The following WDFY4 variants were observed in gnomAD, a reference collection of about 807,000 sequenced individuals.
WDFY4 encodes WDFY family member 4.
In WDFY4, 169 loss-of-function variants were observed where a neutral mutation model predicts 351.9. The ratio of observed to expected loss-of-function variants is 0.48; its 90% CI spans 0.42 to 0.55. WDFY4 has a LOEUF of 0.55. Ranked by LOEUF, WDFY4 falls within the 20% of genes least tolerant of loss-of-function variation. The probability of loss-of-function intolerance (pLI) is 0.00; values close to 1 mark genes in which losing one functional copy is unlikely to be tolerated. For synonymous variants in WDFY4, 1,622 were observed against 1,574.6 expected (o/e 1.03, Z -0.71); for missense variants, 3,803 against 3,935.6 (o/e 0.97, Z 0.90).
At chr10:48,745,830 A>G (rs982542674) in intron 12 of WDFY4, 2 of 336,942 alleles carry the variant, frequency 5.9e-6, no homozygotes, top group Non-Finnish European at 1.1e-5. Context: ...TCCATCGAAC[A>G]CCTCGGCGTC....
At chr10:48,875,216 T>A in intron 42 of WDFY4, 76 bp downstream of exon 42, 1 of 853,960 alleles carries the variant, frequency 1.2e-6, no homozygotes, top group Non-Finnish European at 1.6e-6. Context: ...TTAAAGATAT[T>A]AAATTAATAT....
intron 23 of WDFY4, among the ~76,000 whole-genome samples, chr10:48,793,682 G>A (rs1172682824): frequency 1.3e-5 from 2 of 152,108 alleles, no homozygotes; most frequent in Admixed American, 6.5e-5. Flanking sequence ...GCGTGTGTCC[G>A]GCTTGTTTAT....
chr10:48,958,392 G>A (rs1174947895), intron 52 of WDFY4, among the ~76,000 whole-genome samples: 1 of 151,914 alleles, frequency 6.6e-6, no homozygotes, highest in South Asian at 2.1e-4. Flanking sequence ...GAGGGTGGCA[G>A]CCAGGAGGAG....
At chr10:48,834,667 C>T (rs1474544823) in intron 39 of WDFY4, among the ~76,000 whole-genome samples, 3 of 152,212 alleles carry the variant, frequency 2.0e-5, no homozygotes, top group African/African-American at 4.8e-5. Context: ...TGGAGCTTCT[C>T]TTCCTTGGCC....
At chr10:48,760,311 T>C (rs1056965346) in intron 12 of WDFY4, 36 bp from the exon 13 acceptor site, 2 of 1,533,432 alleles carry the variant, frequency 1.3e-6, no homozygotes, top group South Asian at 2.4e-5. Flanking sequence ...AACTGGAAGG[T>C]CCGTGTCTCA....
Position 48,787,897 on chromosome 10 carries a change from CTTCTTCTTCTT to C in WDFY4, c.3809-632_3809-622del, listed in dbSNP as rs1565198505. On this transcript the variant is annotated intron_variant, in intron 20 of 61. Coordinates refer to ENST00000325239, the MANE Select transcript of WDFY4 (RefSeq NM_001394531.1). ...TTCTTTCTTTCTTCTTCTTCTCCTT[CTTCTTCTTCTT>C]CTTCTTCTTCTTCTTCTTCTTCTTC... 8.8e-4 allele frequency among the ~76,000 whole-genome samples: 23 copies of C among 26,092 alleles called. 2 individuals are homozygous for C. The highest frequency in any genetic ancestry group is 0.026 in the Middle Eastern group (2 of 76). 17.1% of individuals were successfully genotyped at this position (26,092 alleles called of 152,430 possible).
At chr10:48,939,467 A>T (rs1161139207) in intron 47 of WDFY4, among the ~76,000 whole-genome samples, 1 of 152,236 alleles carries the variant, frequency 6.6e-6, no homozygotes, top group Non-Finnish European at 1.5e-5. Flanking sequence ...ATTTAGATCC[A>T]GGTGTCCCTG....
Position 48,743,163 on chromosome 10 carries a change from C to A in WDFY4, c.2074C>A (p.Leu692Met), listed in dbSNP as rs1375921658. 6.4e-7 allele frequency: 1 copy of A among 1,551,716 alleles called. No homozygotes were observed. Among genetic ancestry groups the A allele is most frequent in the East Asian group, 2.4e-5 (1 of 40,916 alleles). ...CACTCTCTGTGCTGTGTCCGCAGCG[C>A]TGCACTGGGACCCTGTCAATGGCTA... ...LYTLCAVSAA[L>M]HWDPVNGYFF... The change falls in exon 12 of 62, where the codon CTG becomes ATG. Residue 692 changes from leucine (L) to methionine (M), a missense_variant. Around this residue, in one of 3 missense-constraint regions of WDFY4, gnomAD observed 3,054 missense variants for 3,148.6 expected, o/e 0.97. Coordinates refer to ENST00000325239, the MANE Select transcript of WDFY4 (RefSeq NM_001394531.1).
chr10:48,885,775 T>C (rs1419866943), intron 43 of WDFY4, among the ~76,000 whole-genome samples: 1 of 152,152 alleles, frequency 6.6e-6, no homozygotes, highest in Non-Finnish European at 1.5e-5. Flanking sequence ...GATAAATAGA[T>C]AGATAGCATC....
intron 47 of WDFY4, among the ~76,000 whole-genome samples, chr10:48,938,863 C>T (rs1840575284): frequency 6.6e-6 from 1 of 152,200 alleles, no homozygotes; most frequent in Non-Finnish European, 1.5e-5. Flanking sequence ...GAGGTGGACA[C>T]CTGTCCTGGG....
intron 47 of WDFY4, among the ~76,000 whole-genome samples, chr10:48,929,067 T>C (rs1224740078): frequency 6.6e-6 from 1 of 152,128 alleles, no homozygotes. Context: ...AAGATGCGCT[T>C]TTTTAGAAAG....
At position 48,892,521 on chromosome 10, in the gene WDFY4, C is replaced by T. The variant is rs189326598; in HGVS notation, c.7316+1794C>T. Among the ~76,000 whole-genome samples, 409 of 152,328 alleles carry T rather than the reference C, an allele frequency of 2.7e-3. 3 individuals carry two copies. The highest frequency in any genetic ancestry group is 9.2e-3 in the African/African-American group (381 of 41,582). Reference sequence around the variant, plus strand: ...TCAAAGAAGCATTTGTTAATCAGTGCTTTCTCTCCAGGGTCTCATCTGGTG... The same window carrying T: ...TCAAAGAAGCATTTGTTAATCAGTGTTTTCTCTCCAGGGTCTCATCTGGTG... On this transcript the variant is annotated intron_variant, in intron 44 of 61. Transcript: ENST00000325239.
Position 48,913,271 on chromosome 10 carries a change from G to A in WDFY4, c.7586+11408G>A, listed in dbSNP as rs542608760. 4.0e-5 allele frequency: 37 copies of A among 915,318 alleles called. No homozygotes were observed. The African/African-American group carries it at 5.6e-4, about 14-fold the overall frequency. The allele number at this position is 915,318 out of a possible 1,614,324, so 56.7% of individuals were successfully genotyped here. ...AGAAAGTAAGGAAAGGAGTTTTATG[G>A]GCTTGGCTGAAAGAGCTGCTGCAGC... On this transcript the variant is annotated intron_variant, in intron 47 of 61. Coordinates refer to ENST00000325239, the MANE Select transcript of WDFY4 (RefSeq NM_001394531.1).
intron 35 of WDFY4, 111 bp from the exon 36 acceptor site, chr10:48,826,560 G>A: frequency 1.3e-6 from 1 of 768,784 alleles, no homozygotes; most frequent in Non-Finnish European, 2.1e-6. Flanking sequence ...ACTTTGGGCG[G>A]TAAGCCATGT....
intron 40 of WDFY4, among the ~76,000 whole-genome samples, chr10:48,868,969 G>A (rs770243699): frequency 1.3e-5 from 2 of 152,182 alleles, no homozygotes; most frequent in African/African-American, 2.4e-5. Flanking sequence ...AGGGCTGACT[G>A]GAGTTCAGAA....
intron 39 of WDFY4, among the ~76,000 whole-genome samples, chr10:48,852,855 T>C (rs1315164773): frequency 1.3e-5 from 2 of 152,230 alleles, no homozygotes; most frequent in Non-Finnish European, 2.9e-5. Context: ...GTTTGCTTTT[T>C]GACCTTCTCT....
At chr10:48,787,807 C>CTTCTCTTCT (rs1555010320) in intron 20 of WDFY4, among the ~76,000 whole-genome samples, 2 of 76,682 alleles carry the variant, frequency 2.6e-5, no homozygotes, top group South Asian at 9.9e-4. Context: ...CCTCCTCCTC[C>CTTCTCTTCT]TCTTCTTCTT....
At chr10:48,848,282 G>T (rs763614321) in intron 39 of WDFY4, among the ~76,000 whole-genome samples, 1 of 152,176 alleles carries the variant, frequency 6.6e-6, no homozygotes, top group Non-Finnish European at 1.5e-5. Context: ...TCATCTCCTG[G>T]TGTTCTCATT....
At chr10:48,809,196 T>G (rs1387575739) in intron 28 of WDFY4, among the ~76,000 whole-genome samples, 2 of 145,492 alleles carry the variant, frequency 1.4e-5, no homozygotes, top group African/African-American at 5.2e-5. Context: ...ATCATCACCA[T>G]CACCATCACC....
Sources: allele counts gnomAD v4.1 joint callset (sites outside exome capture counted in the v4.1 genomes callset), GRCh38; gene constraint gnomAD v4.1.1; regional missense constraint gnomAD v4.1.1; transcripts MANE v1.5; gene names NCBI Gene and HGNC (gene_info 2026-07-23, HGNC 2026-07-21).